PSMD10: variants seen among roughly 807,000 people sequenced by gnomAD.
PSMD10 encodes 26S proteasome non-ATPase regulatory subunit 10.
A neutral mutation model predicts 13.2 loss-of-function variants in PSMD10; 2 were observed. The observed-to-expected ratio is 0.15, with a 90% CI of 0.06 to 0.48. The LOEUF is 0.48. Ranked by LOEUF, PSMD10 falls within the 20% of genes least tolerant of loss-of-function variation. PSMD10 has a pLI of 0.97. For missense variants in PSMD10, 120 were observed against 167.4 expected (o/e 0.72, Z 1.56); for synonymous variants, 66 against 64.4 (o/e 1.03, Z -0.12).
chrX:108,086,056 T>C (rs1312114989), intron 4 of PSMD10, among the ~76,000 whole-genome samples: 1 of 111,918 alleles, frequency 8.9e-6, no homozygotes, highest in Non-Finnish European at 1.9e-5. Flanking sequence ...GGAAAGATTT[T>C]AAAAACTAAG....
rs2031475602 is a variant in PSMD10 at position 108,084,740 on chromosome X, A to G, written c.*234T>C. The G allele has an allele frequency of 3.4e-6, 1 of 298,067 alleles. No homozygotes were observed. Among genetic ancestry groups the G allele is most frequent in the Non-Finnish European group, 5.8e-6 (1 of 172,355 alleles). 24.6% of individuals were successfully genotyped at this position (298,067 alleles called of 1,213,427 possible). A position where few individuals can be genotyped will look rare whatever the true frequency, so the allele number is the denominator to read the frequency against. On this transcript the variant is annotated 3_prime_UTR_variant, in exon 5 of 5. Coordinates refer to ENST00000217958, the MANE Select transcript of PSMD10 (RefSeq NM_002814.4). ...TACTCCAAATTAACCAGAATTCAAT[A>G]TAGAAGAATATACGACAACAGTAGA...
Position 108,084,942 on chromosome X carries a change from CA to C in PSMD10, c.*31del. Reference sequence around the variant, plus strand: ...TTGTAGGACACTGGGGACAACAACACAACATACAAAGTAAGAATAAATCCAA... The same window carrying C: ...TTGTAGGACACTGGGGACAACAACACACATACAAAGTAAGAATAAATCCAA... On this transcript the variant is annotated 3_prime_UTR_variant, in exon 5 of 5. Transcript: ENST00000217958. 8.6e-7 allele frequency: 1 copy of C among 1,165,728 alleles called. No individual in the cohort carries two copies. The highest frequency in any genetic ancestry group is 1.1e-6 in the Non-Finnish European group (1 of 872,291).
In PSMD10 at chrX:108,085,005, C is replaced by A; in HGVS notation, c.650G>T (p.Gly217Val). Residue 217 changes from glycine (G) to valine (V), a missense_variant, in exon 5 of 5, where the codon GGT becomes GTT. This residue lies in a region of PSMD10 where 20 missense variants were observed against 16.4 expected (regional missense o/e 1.22). Transcript: ENST00000217958. ...TPLQVAKGGL[G>V]LILKRMVEG is the part of the protein sequence containing the mutation. ...TTCCACCATTCTCTTGAGTATTAAA[C>A]CCAGGCCACCTTTGGCCACTTGCAG... 1 of 1,207,309 alleles carries A rather than the reference C, an allele frequency of 8.3e-7. No homozygotes were observed. Among genetic ancestry groups the A allele is most frequent in the Non-Finnish European group, 1.1e-6 (1 of 893,537 alleles).
chrX:108,086,536 C>T (rs1473535038), intron 4 of PSMD10, among the ~76,000 whole-genome samples: 1 of 110,705 alleles, frequency 9.0e-6, no homozygotes, highest in Admixed American at 9.6e-5. Context: ...AATATTTTAC[C>T]ATGCCAAATC....
intron 4 of PSMD10, among the ~76,000 whole-genome samples, chrX:108,086,330 C>T (rs1219533388): frequency 5.4e-5 from 6 of 111,687 alleles, no homozygotes; most frequent in Admixed American, 1.9e-4. Flanking sequence ...ACCAATGAAA[C>T]GTTAAAATAA....
chrX:108,087,829 G>A lies in PSMD10; in HGVS notation c.384C>T (p.Gly128=), dbSNP rs750166054. ...RHEIAVMLLE[G]GANPDAKDHY... ...GGTCCTTAGCATCTGGATTAGCCCC[G>A]CCTTCCAGTAACATGACAGCGATCT... Residue 128 remains glycine (G), a synonymous_variant, in exon 4 of 5, where the codon GGC becomes GGT. Transcript: ENST00000217958. 20 of 1,209,437 alleles carry A rather than the reference G, an allele frequency of 1.7e-5. No individual in the cohort carries two copies. The highest frequency in any genetic ancestry group is 5.9e-5 in the East Asian group (2 of 33,776).
At chrX:108,088,178 A>T in intron 2 of PSMD10, 79 bp from the exon 3 acceptor site, 3 of 1,035,084 alleles carry the variant, frequency 2.9e-6, no homozygotes, top group Non-Finnish European at 3.9e-6. Flanking sequence ...AGGGTTAGCA[A>T]GGAGCTTTAC....
intron 1 of PSMD10, among the ~76,000 whole-genome samples, chrX:108,090,957 A>G (rs1186036307): frequency 8.9e-6 from 1 of 112,416 alleles, no homozygotes; most frequent in East Asian, 2.8e-4. Context: ...ATTTACCACA[A>G]TTTGTAATCG....
At chrX:108,085,191 C>A in intron 4 of PSMD10, 64 bp from the exon 5 acceptor site, 1 of 1,027,789 alleles carries the variant, frequency 9.7e-7, no homozygotes, top group Non-Finnish European at 1.3e-6. Context: ...GTTAGGATTT[C>A]TTGCTAGGTA....
rs7066863 is a variant in PSMD10 at position 108,087,715 on chromosome X, G to A, written c.498C>T (p.Asn166=). 7.4e-5 allele frequency: 89 copies of A among 1,209,391 alleles called. No individual in the cohort carries two copies. The African/African-American group carries it at 1.4e-3, about 20-fold the overall frequency. Reference sequence around the variant, plus strand: ...GAGTGTTACCCTCAGTGTCTTGGATGTTTGTGGATGCTTTGTAGTACAGAA... The same window carrying A: ...GAGTGTTACCCTCAGTGTCTTGGATATTTGTGGATGCTTTGTAGTACAGAA... ...HILLYYKAST[N]IQDTEGNTPL... The change falls in exon 4 of 5, where the codon AAC becomes AAT. Residue 166 remains asparagine, a synonymous_variant. Transcript: ENST00000217958.
Position 108,091,506 on chromosome X carries a change from C to T in PSMD10, c.15G>A (p.Val5=). 1.7e-6 allele frequency: 2 copies of T among 1,211,045 alleles called. No individual in the cohort carries two copies. Among genetic ancestry groups the T allele is most frequent in the Non-Finnish European group, 1.1e-6 (1 of 894,340 alleles). The change falls in exon 1 of 5, where the codon GTG becomes GTA. Residue 5 remains valine (V), a synonymous_variant. Coordinates refer to ENST00000217958, the MANE Select transcript of PSMD10 (RefSeq NM_002814.4). ...CCAGGTTGCAGACCATTAGGTTAGA[C>T]ACACACCCCTCCATTTCGCTGTCCC... The part of the protein sequence containing the change: MEGC[V]SNLMVCNLAY...
At chrX:108,088,879 T>C in intron 1 of PSMD10, 29 bp from the exon 2 acceptor site, 1 of 1,077,068 alleles carries the variant, frequency 9.3e-7, no homozygotes, top group Non-Finnish European at 1.2e-6. Flanking sequence ...AGAAACATTC[T>C]TGAAATAGAA....
At chrX:108,089,906 T>C (rs1014844955) in intron 1 of PSMD10, among the ~76,000 whole-genome samples, 2 of 112,211 alleles carry the variant, frequency 1.8e-5, no homozygotes, top group Non-Finnish European at 3.8e-5. Flanking sequence ...AGGGAATCCC[T>C]ATTTGCAGTG....
At chrX:108,085,334 A>G (rs1012108346) in intron 4 of PSMD10, among the ~76,000 whole-genome samples, 2 of 112,626 alleles carry the variant, frequency 1.8e-5, no homozygotes, top group African/African-American at 3.2e-5. Context: ...ATCGTAAATC[A>G]TAATTCTGGT....
chrX:108,085,946 G>A (rs1394132817), intron 4 of PSMD10, among the ~76,000 whole-genome samples: 3 of 111,879 alleles, frequency 2.7e-5, no homozygotes, highest in Non-Finnish European at 5.6e-5. Context: ...ACTCTATCTT[G>A]TCTGACTCCT....
intron 2 of PSMD10, chrX:108,088,481 TGCAGCCTCAA>T (rs1310719681): frequency 5.4e-5 from 18 of 334,381 alleles, no homozygotes; most frequent in Non-Finnish European, 7.3e-5. Flanking sequence ...AATGGCTCAC[TGCAGCCTCAA>T]ACTACTAGGC....
rs756260381 is a variant in PSMD10, at chrX:108,084,923, G to A, written c.*51C>T. ...TGTGCACAAATACATTAGTTTGTAG[G>A]ACACTGGGGACAACAACACAACATA... is the stretch of plus-strand genomic sequence containing the variant. On this transcript the variant is annotated 3_prime_UTR_variant, in exon 5 of 5. Transcript: ENST00000217958. 18 of 1,101,766 alleles carry A rather than the reference G, an allele frequency of 1.6e-5. No individual in the cohort carries two copies. Among genetic ancestry groups the A allele is most frequent in the Non-Finnish European group, 2.2e-5 (18 of 833,892 alleles). 90.8% of individuals were successfully genotyped at this position (1,101,766 alleles called of 1,213,427 possible). A position where few individuals can be genotyped will look rare whatever the true frequency, so the allele number is the denominator to read the frequency against.
chrX:108,087,897 CTG>C (rs750710695), intron 3 of PSMD10, 45 bp from the exon 4 acceptor site: 5 of 1,211,798 alleles, frequency 4.1e-6, no homozygotes, highest in Non-Finnish European at 5.6e-6. Flanking sequence ...AGAAATCTAT[CTG>C]TGTTTGTATA....
intron 2 of PSMD10, chrX:108,088,400 G>T (rs1316380213): frequency 1.3e-5 from 4 of 317,766 alleles, no homozygotes; most frequent in African/African-American, 2.7e-5. Flanking sequence ...AACAAGCCCT[G>T]ATCTGTATGT....
Sources: allele counts gnomAD v4.1 joint callset (sites outside exome capture counted in the v4.1 genomes callset), GRCh38; gene constraint gnomAD v4.1.1; regional missense constraint gnomAD v4.1.1; transcripts MANE v1.5; gene names NCBI Gene and HGNC (gene_info 2026-07-23, HGNC 2026-07-21).